The following SLCO1B1 variants were observed in gnomAD, a reference collection of about 807,000 sequenced individuals.
SLCO1B1 encodes the protein OATP-2.
In SLCO1B1, 81 loss-of-function variants were observed where a neutral mutation model predicts 70.1. The ratio of observed to expected loss-of-function variants is 1.16; its 90% confidence interval spans 0.97 to 1.39. SLCO1B1 has a LOEUF of 1.39. SLCO1B1 is among the 40% of genes most tolerant of loss of function. The pLI is 0.00. For synonymous variants in SLCO1B1, 283 were observed against 271.5 expected, an observed-to-expected ratio of 1.04 and a Z score of -0.42; for missense variants, 895 against 799.6, an observed-to-expected ratio of 1.12 and a Z score of -1.44.
intron 7 of SLCO1B1, among the ~76,000 whole-genome samples, chr12:21,190,951 C>T (rs1941023246): frequency 1.3e-5 from 2 of 152,006 alleles, no homozygotes; most frequent in Non-Finnish European, 2.9e-5. Context: ...TTTTATTCTG[C>T]ATATTTCTTT....
In SLCO1B1 at chr12:21,205,853, A is replaced by G. The variant is rs370408688; in HGVS notation, c.1332-15A>G. The G allele has an allele frequency of 9.0e-6, 14 of 1,556,120 alleles. No individual in the cohort carries two copies. The highest frequency in any genetic ancestry group is 1.2e-5 in the Non-Finnish European group (13 of 1,129,726). On this transcript the variant is annotated splice_polypyrimidine_tract_variant and intron_variant, in intron 10 of 14. Transcript: ENST00000256958. ...CTCTCTCTCTTTTTGATATATGTCT[A>G]TCATATATTTCCAGAAATAATCCAG...
intron 7 of SLCO1B1, among the ~76,000 whole-genome samples, chr12:21,186,369 G>A (rs559596154): frequency 6.6e-6 from 1 of 152,222 alleles, no homozygotes; most frequent in African/African-American, 2.4e-5. Context: ...AACACCATGT[G>A]ACACTAATTA....
rs780914697 is a variant in SLCO1B1 at position 21,197,004 on chromosome 12, C to T, written c.786C>T (p.Phe262=). 199 of 1,613,470 alleles carry T rather than the reference C, an allele frequency of 1.2e-4. No individual in the cohort carries two copies. The South Asian group carries it at 2.1e-3, about 17-fold the overall frequency. The stretch of plus-strand genomic sequence containing the variant: ...GGGTTGGAGCTTGGTGGCTTAATTT[C>T]CTTGTGTCTGGACTATTCTCCATTA... The part of the protein sequence containing the change: ...SRWVGAWWLN[F]LVSGLFSIIS... The change falls in exon 8 of 15, where the codon TTC becomes TTT. Residue 262 remains phenylalanine (F), a synonymous_variant. Transcript: ENST00000256958.
intron 11 of SLCO1B1, among the ~76,000 whole-genome samples, chr12:21,215,501 C>T (rs1240249935): frequency 6.6e-6 from 1 of 152,118 alleles, no homozygotes; most frequent in Non-Finnish European, 1.5e-5. Flanking sequence ...GTATACTGGA[C>T]CATCCTTACA....
At chr12:21,216,250 T>TA (rs1287564559) in intron 11 of SLCO1B1, among the ~76,000 whole-genome samples, 1 of 152,058 alleles carries the variant, frequency 6.6e-6, no homozygotes, top group Admixed American at 6.6e-5. Flanking sequence ...ACTTGTTCCA[T>TA]AAAAAATTCC....
intron 11 of SLCO1B1, among the ~76,000 whole-genome samples, chr12:21,215,908 G>T (rs1941352521): frequency 6.6e-6 from 1 of 151,970 alleles, no homozygotes; most frequent in Non-Finnish European, 1.5e-5. Context: ...AGTGTTCAGG[G>T]TTTCAATTAC....
chr12:21,201,315 A>G (rs1310266817), intron 9 of SLCO1B1, among the ~76,000 whole-genome samples: 1 of 152,164 alleles, frequency 6.6e-6, no homozygotes, highest in African/African-American at 2.4e-5. Flanking sequence ...TAAACAAGAA[A>G]ATGAATGTAC....
intron 10 of SLCO1B1, among the ~76,000 whole-genome samples, chr12:21,203,931 G>A (rs530791953): frequency 3.9e-4 from 59 of 152,052 alleles, no homozygotes; most frequent in African/African-American, 1.3e-3. Context: ...TTGACAACAA[G>A]GTTAGTCACT....
intron 1 of SLCO1B1, among the ~76,000 whole-genome samples, chr12:21,132,775 T>C (rs1003688147): frequency 3.3e-5 from 5 of 152,150 alleles, no homozygotes; most frequent in Non-Finnish European, 5.9e-5. Flanking sequence ...TCTCCCATTC[T>C]GTAGGTTGCC....
intron 1 of SLCO1B1, among the ~76,000 whole-genome samples, chr12:21,133,262 A>C (rs1043935408): frequency 6.6e-6 from 1 of 151,980 alleles, no homozygotes; most frequent in African/African-American, 2.4e-5. Context: ...GAAGTCAGGT[A>C]GGGTGATGCC....
At chr12:21,214,553 A>T (rs1941332471) in intron 11 of SLCO1B1, among the ~76,000 whole-genome samples, 1 of 150,962 alleles carries the variant, frequency 6.6e-6, no homozygotes, top group Non-Finnish European at 1.5e-5. Flanking sequence ...GAGCCTACAG[A>T]GGCAGGCAGG....
intron 14 of SLCO1B1, among the ~76,000 whole-genome samples, chr12:21,234,871 G>A (rs1941579270): frequency 6.6e-6 from 1 of 152,040 alleles, no homozygotes; most frequent in Non-Finnish European, 1.5e-5. Context: ...TCTTGATACT[G>A]ATTTCTATTT....
intron 11 of SLCO1B1, among the ~76,000 whole-genome samples, chr12:21,214,547 C>T (rs12830545): frequency 0.11 from 17,059 of 148,632 alleles, 1,429 homozygotes; most frequent in Non-Finnish European, 0.17. Context: ...GAGGTGGAGC[C>T]TACAGAGGCA....
intron 11 of SLCO1B1, among the ~76,000 whole-genome samples, chr12:21,213,521 G>C (rs891254794): frequency 7.0e-6 from 1 of 143,560 alleles, no homozygotes; most frequent in Non-Finnish European, 1.5e-5. Context: ...TTCAACTTTG[G>C]TGAATCTGAC....
intron 7 of SLCO1B1, among the ~76,000 whole-genome samples, chr12:21,195,465 C>A (rs189015798): frequency 6.6e-6 from 1 of 152,116 alleles, no homozygotes; most frequent in African/African-American, 2.4e-5. Flanking sequence ...CCTCCTCACT[C>A]TGCATAGATC....
intron 11 of SLCO1B1, among the ~76,000 whole-genome samples, chr12:21,211,159 C>G (rs1941279247): frequency 6.6e-6 from 1 of 152,144 alleles, no homozygotes; most frequent in Non-Finnish European, 1.5e-5. Flanking sequence ...CGGAATGCTT[C>G]CAGTTTTTGC....
chr12:21,231,308 G>A (rs1941534742), intron 14 of SLCO1B1, among the ~76,000 whole-genome samples: 1 of 152,082 alleles, frequency 6.6e-6, no homozygotes, highest in East Asian at 1.9e-4. Flanking sequence ...CTAATATCAA[G>A]TATAGTATCT....
intron 8 of SLCO1B1, among the ~76,000 whole-genome samples, chr12:21,199,714 C>T (rs1272527644): frequency 6.6e-6 from 1 of 151,912 alleles, no homozygotes; most frequent in Non-Finnish European, 1.5e-5. Flanking sequence ...TAATATAATA[C>T]TTATATCATT....
At chr12:21,199,463 A>C (rs1171989091) in intron 8 of SLCO1B1, among the ~76,000 whole-genome samples, 2 of 152,148 alleles carry the variant, frequency 1.3e-5, no homozygotes, top group African/African-American at 2.4e-5. Flanking sequence ...TACTATTATA[A>C]TACTACTTGG....
Sources: gnomAD v4.1 joint callset for allele counts (sites outside exome capture counted in the v4.1 genomes callset) on GRCh38, gnomAD v4.1.1 for gene constraint, MANE v1.5 for transcripts, NCBI Gene and HGNC (gene_info 2026-07-23, HGNC 2026-07-21) for gene names.